The following ADAMTSL1 variants were observed in gnomAD, a reference collection of about 807,000 sequenced individuals.
ADAMTSL1 encodes ADAMTS like 1, also known as ADAMTS-like protein 1.
Under a neutral mutation model 201.8 loss-of-function variants are expected in ADAMTSL1, and 126 were observed. The observed-to-expected ratio is 0.62, with a 90% CI of 0.54 to 0.72. The LOEUF (loss-of-function observed/expected upper bound fraction) is 0.72. ADAMTSL1 is among the 30% of genes least tolerant of loss of function. ADAMTSL1 has a pLI of 0.00. For missense variants in ADAMTSL1, 2,679 were observed against 2,277.8 expected (o/e 1.18, Z -3.59); for synonymous variants, 1,121 against 903.4 (o/e 1.24, Z -4.32).
At chr9:18,060,585 C>T (rs1308837668) in intron 1 of ADAMTSL1, among the ~76,000 whole-genome samples, 1 of 152,144 alleles carries the variant, frequency 6.6e-6, no homozygotes. Context: ...TCATTTATTT[C>T]TTATTATGCT....
At chr9:18,710,671 G>GTT (rs1218055587) in intron 14 of ADAMTSL1, among the ~76,000 whole-genome samples, 1 of 97,184 alleles carries the variant, frequency 1.0e-5, no homozygotes, top group African/African-American at 3.8e-5. Flanking sequence ...GTTTTGTTTT[G>GTT]TTTTTTTTTT....
intron 23 of ADAMTSL1, among the ~76,000 whole-genome samples, chr9:18,867,286 G>A (rs923157166): frequency 6.6e-6 from 1 of 152,192 alleles, no homozygotes; most frequent in Non-Finnish European, 1.5e-5. Context: ...TTTTAAGTTG[G>A]ACAGATTATA....
chr9:18,825,018 C>G (rs915789416), intron 21 of ADAMTSL1, among the ~76,000 whole-genome samples: 1 of 152,046 alleles, frequency 6.6e-6, no homozygotes, highest in African/African-American at 2.4e-5. Flanking sequence ...TTTAAGCATG[C>G]CCTGGATACA....
chr9:18,630,483 A>G (rs1826689007), intron 5 of ADAMTSL1, among the ~76,000 whole-genome samples: 1 of 152,120 alleles, frequency 6.6e-6, no homozygotes, highest in African/African-American at 2.4e-5. Flanking sequence ...TTTGTCCCAG[A>G]AATTCTAACT....
rs201410358 is a variant in ADAMTSL1 at position 18,706,706 on chromosome 9, G to C, written c.1575-41G>C. 2.5e-4 allele frequency: 389 copies of C among 1,531,450 alleles called. 3 individuals are homozygous for C. Among genetic ancestry groups the C allele is most frequent in the Middle Eastern group, 4.1e-4 (2 of 4,864 alleles). 94.9% of individuals were successfully genotyped at this position (1,531,450 alleles called of 1,614,324 possible). A position where few individuals can be genotyped will look rare whatever the true frequency, so the allele number is the denominator to read the frequency against. ...CACAGCCCCCATGGCTTCCTGCCTG[G>C]GGCTTCTCATCCTGTCCTCTTGTTT... On this transcript the variant is annotated intron_variant, in intron 13 of 28. Coordinates refer to ENST00000380548, the MANE Select transcript of ADAMTSL1 (RefSeq NM_001040272.6).
intron 15 of ADAMTSL1, among the ~76,000 whole-genome samples, chr9:18,730,973 G>T (rs1249423697): frequency 6.6e-6 from 1 of 152,228 alleles, no homozygotes; most frequent in Non-Finnish European, 1.5e-5. Context: ...TCCACTATTA[G>T]TGAGGCTGTT....
intron 1 of ADAMTSL1, among the ~76,000 whole-genome samples, chr9:18,028,422 T>G (rs905257529): frequency 1.4e-4 from 22 of 152,130 alleles, no homozygotes; most frequent in African/African-American, 5.1e-4. Flanking sequence ...TTTCTTTTCT[T>G]AGAGAATGCT....
rs768769298 is a variant in ADAMTSL1 at position 18,706,795 on chromosome 9, G to T, written c.1623G>T (p.Gly541=). ...WSACTVTCGV[G]TQVRIVRCQV... ...CCTGCACAGTCACCTGTGGTGTGGG[G>T]ACCCAGGTGCGAATAGTCAGGTGCC... The change falls in exon 14 of 29, where the codon GGG becomes GGT. Residue 541 remains glycine, a synonymous_variant. Coordinates refer to ENST00000380548, the MANE Select transcript of ADAMTSL1 (RefSeq NM_001040272.6). 6.2e-7 allele frequency: 1 copy of T among 1,609,034 alleles called. No homozygotes were observed. Among genetic ancestry groups the T allele is most frequent in the Admixed American group, 1.7e-5 (1 of 59,236 alleles).
intron 3 of ADAMTSL1, among the ~76,000 whole-genome samples, chr9:18,553,210 C>CTTTTTTTTTTTTTT (rs35874115): frequency 7.4e-6 from 1 of 135,872 alleles, no homozygotes; most frequent in African/African-American, 2.7e-5. Context: ...TAGTCCCAGT[C>CTTTTTTTTTTTTTT]TTTTTTTTTT....
At chr9:17,997,287 T>C (rs1439793916) in intron 1 of ADAMTSL1, among the ~76,000 whole-genome samples, 2 of 152,102 alleles carry the variant, frequency 1.3e-5, no homozygotes, top group African/African-American at 4.8e-5. Flanking sequence ...TTGATATTGA[T>C]ATTAATTATA....
chr9:18,302,170 T>C (rs1275902846), intron 2 of ADAMTSL1, among the ~76,000 whole-genome samples: 2 of 152,200 alleles, frequency 1.3e-5, no homozygotes, highest in South Asian at 2.1e-4. Context: ...CAATTCTTTA[T>C]GCCAGAGTGT....
chr9:17,932,256 C>T (rs1453755834), intron 1 of ADAMTSL1, among the ~76,000 whole-genome samples: 1 of 152,184 alleles, frequency 6.6e-6, no homozygotes, highest in East Asian at 1.9e-4. Flanking sequence ...TCAAAAGCCA[C>T]ATCTGTTGAG....
intron 15 of ADAMTSL1, among the ~76,000 whole-genome samples, chr9:18,724,148 A>G (rs1817723315): frequency 1.3e-5 from 2 of 152,242 alleles, no homozygotes; most frequent in South Asian, 4.1e-4. Context: ...ACATAACAAA[A>G]TGACATTTCA....
intron 1 of ADAMTSL1, among the ~76,000 whole-genome samples, chr9:17,983,184 C>T (rs943074854): frequency 6.6e-6 from 1 of 151,392 alleles, no homozygotes; most frequent in Admixed American, 6.6e-5. Flanking sequence ...GATTCTCCTG[C>T]CTCAGCCTCC....
intron 1 of ADAMTSL1, among the ~76,000 whole-genome samples, chr9:18,156,245 A>G (rs1311201863): frequency 6.6e-6 from 1 of 152,018 alleles, no homozygotes; most frequent in Non-Finnish European, 1.5e-5. Flanking sequence ...TGGTTAAGAT[A>G]ACAGACTCCT....
chr9:18,835,457 G>T (rs1825255878), intron 23 of ADAMTSL1, among the ~76,000 whole-genome samples: 1 of 152,062 alleles, frequency 6.6e-6, no homozygotes, highest in Non-Finnish European at 1.5e-5. Flanking sequence ...AAGAGTAGAA[G>T]ATTTTGATTT....
chr9:18,151,251 C>T (rs887260870), intron 1 of ADAMTSL1, among the ~76,000 whole-genome samples: 18 of 152,052 alleles, frequency 1.2e-4, no homozygotes, highest in African/African-American at 3.6e-4. Flanking sequence ...AACCTTTACA[C>T]AACTGTAATG....
intron 16 of ADAMTSL1, among the ~76,000 whole-genome samples, chr9:18,759,796 C>T (rs375921934): frequency 3.2e-4 from 49 of 152,316 alleles, no homozygotes; most frequent in African/African-American, 1.1e-3. Context: ...GTGTACACCC[C>T]TTGTACTTCC....
chr9:18,235,302 C>T (rs193297583), intron 2 of ADAMTSL1, among the ~76,000 whole-genome samples: 3 of 152,276 alleles, frequency 2.0e-5, no homozygotes, highest in Non-Finnish European at 2.9e-5. Context: ...GTTGGTGTTA[C>T]GGGTTCTTGG....
Sources: allele counts gnomAD v4.1 joint callset (sites outside exome capture counted in the v4.1 genomes callset), GRCh38; gene constraint gnomAD v4.1.1; transcripts MANE v1.5; gene names NCBI Gene and HGNC (gene_info 2026-07-23, HGNC 2026-07-21).